Variants in CDC42BPA observed in about 807,000 individuals in gnomAD.
CDC42BPA encodes the protein serine/threonine-protein kinase MRCK alpha.
CDC42BPA carries 80 observed loss-of-function variants against 223.5 expected under a neutral mutation model. The ratio of observed to expected loss-of-function variants is 0.36; its 90% CI spans 0.30 to 0.43. The LOEUF (loss-of-function observed/expected upper bound fraction) is 0.43. CDC42BPA is among the 20% of genes least tolerant of loss of function. The probability of loss-of-function intolerance (pLI) is 1.00; values close to 1 mark genes in which losing one functional copy is unlikely to be tolerated. For missense variants in CDC42BPA, 1,743 were observed against 2,099.9 expected (o/e 0.83, Z 3.32); for synonymous variants, 694 against 718.6 (o/e 0.97, Z 0.55).
chr1:227,238,803 T>G (rs1022640613), intron 2 of CDC42BPA, among the ~76,000 whole-genome samples: 7 of 152,194 alleles, frequency 4.6e-5, no homozygotes, highest in East Asian at 1.9e-4. Flanking sequence ...TTGGAACATG[T>G]ATGCACCAAT....
At chr1:227,213,412 TGTATTTGTGAATGCTGTATTAGTTG>T (rs1174317567) in intron 2 of CDC42BPA, among the ~76,000 whole-genome samples, 193 bp from the exon 3 acceptor site, 56 of 152,336 alleles carry the variant, frequency 3.7e-4, no homozygotes, top group Middle Eastern at 3.4e-3. Context: ...AACTAATAAC[TGTATTTGTGAATGCTGTATTAGTTG>T]GTATTTGTGA....
intron 1 of CDC42BPA, among the ~76,000 whole-genome samples, chr1:227,300,082 T>A (rs1248412720): frequency 1.4e-5 from 2 of 146,552 alleles, no homozygotes; most frequent in African/African-American, 5.2e-5. Context: ...TTCAAGGGAT[T>A]TTCTCTAGGA....
Position 227,306,460 on chromosome 1 carries a change from C to T in CDC42BPA, c.178+10545G>A, listed in dbSNP as rs1193177580. ...GATCACACTTAATCACAGCCTCAAGCAACATAACACAGCAAAGGACTCTTA... is the reference window on the plus strand; with the variant it reads ...GATCACACTTAATCACAGCCTCAAGTAACATAACACAGCAAAGGACTCTTA... On this transcript the variant is annotated intron_variant, in intron 1 of 36. Coordinates refer to ENST00000366766, the MANE Select transcript of CDC42BPA (RefSeq NM_001394014.1). Among the ~76,000 whole-genome samples the T allele has an allele frequency of 2.0e-5, 3 of 152,070 alleles. 1 individual carries two copies. The highest frequency in any genetic ancestry group is 4.1e-4 in the South Asian group (2 of 4,824).
At position 227,318,154 on chromosome 1, in the gene CDC42BPA, G is replaced by GGGGC. The variant is rs1694695717; in HGVS notation, c.-973_-972insGCCC. 1 of 151,080 alleles carries GGGGC rather than the reference G, an allele frequency of 6.6e-6. No individual in the cohort carries two copies. Among genetic ancestry groups the GGGGC allele is most frequent in the African/African-American group, 3.7e-5 (1 of 27,156 alleles). 9.4% of individuals were successfully genotyped at this position (151,080 alleles called of 1,614,324 possible). ...GCCGGAGGCTCCCGACGCCCCAGGC[G>GGGGC]GGGGGGTGCTTCTCTGAATTCAAAG... On this transcript the variant is annotated 5_prime_UTR_variant, in exon 1 of 37. Coordinates refer to ENST00000366766, the MANE Select transcript of CDC42BPA (RefSeq NM_001394014.1).
chr1:227,139,654 T>C lies in CDC42BPA; in HGVS notation c.1312A>G (p.Asn438Asp), dbSNP rs780571645. 1 of 1,612,330 alleles carries C rather than the reference T, an allele frequency of 6.2e-7. No individual in the cohort carries two copies. The highest frequency in any genetic ancestry group is 1.1e-5 in the South Asian group (1 of 90,670). Reference sequence around the variant, plus strand: ...CTTTCATAAGCTTCAGTTGCTAAGTTGTTGTCTAGAGTCCTCTGAACATTA... The same window carrying C: ...CTTTCATAAGCTTCAGTTGCTAAGTCGTTGTCTAGAGTCCTCTGAACATTA... Reference protein sequence around the residue: ...DVNVQRTLDNNLATEAYERRI... With the variant: ...DVNVQRTLDNDLATEAYERRI... The change falls in exon 10 of 37, where the codon AAC (asparagine) becomes GAC (aspartate). Residue 438 changes from asparagine to aspartate, a missense_variant. This residue lies in a region of CDC42BPA where 464 missense variants were observed against 488.0 expected (regional missense o/e 0.95). Coordinates refer to ENST00000366766, the MANE Select transcript of CDC42BPA (RefSeq NM_001394014.1).
chr1:227,299,136 C>T (rs1691213321), intron 1 of CDC42BPA, among the ~76,000 whole-genome samples: 2 of 152,124 alleles, frequency 1.3e-5, no homozygotes, highest in African/African-American at 2.4e-5. Flanking sequence ...CAGTTTGAGC[C>T]ATGTGCAGAG....
chr1:227,175,434 AAT>A (rs148230832), intron 5 of CDC42BPA, among the ~76,000 whole-genome samples: 66 of 150,610 alleles, frequency 4.4e-4, no homozygotes, highest in African/African-American at 6.6e-4. Flanking sequence ...GTCTAATTTA[AAT>A]ATATATATAT....
rs1002196068 is a variant in CDC42BPA at position 227,076,912 on chromosome 1, C to G, written c.2481-2548G>C. Among the ~76,000 whole-genome samples the G allele has an allele frequency of 7.2e-5, 11 of 152,176 alleles. No homozygotes were observed. In the South Asian group the frequency reaches 1.5e-3, roughly 20 times the overall value. On this transcript the variant is annotated intron_variant, in intron 17 of 36. Coordinates refer to ENST00000366766, the MANE Select transcript of CDC42BPA (RefSeq NM_001394014.1). The stretch of plus-strand genomic sequence containing the variant: ...AGTATTAAACCCTCCATTCACTACT[C>G]TATACTTCCCGAAGTCTAATTCCTG...
intron 1 of CDC42BPA, among the ~76,000 whole-genome samples, chr1:227,278,347 C>T (rs756521768): frequency 6.6e-6 from 1 of 152,126 alleles, no homozygotes; most frequent in East Asian, 1.9e-4. Context: ...CTATCAAAAC[C>T]TGGAATTTAT....
intron 5 of CDC42BPA, among the ~76,000 whole-genome samples, chr1:227,172,218 T>G (rs1373536839): frequency 6.6e-6 from 1 of 152,212 alleles, no homozygotes; most frequent in East Asian, 1.9e-4. Flanking sequence ...TATGGAACAT[T>G]AATTTGGGGT....
At chr1:227,149,018 AG>A (rs59028962) in intron 6 of CDC42BPA, among the ~76,000 whole-genome samples, 8,781 of 152,096 alleles carry the variant, frequency 0.058, 838 homozygotes, top group African/African-American at 0.2. Flanking sequence ...TAAGAACAAA[AG>A]AAAAGACCTT....
intron 26 of CDC42BPA, among the ~76,000 whole-genome samples, chr1:227,034,410 G>T (rs1483644827): frequency 6.6e-6 from 1 of 151,982 alleles, no homozygotes; most frequent in African/African-American, 2.4e-5. Context: ...ATTTACACAG[G>T]TCTTTGGGAC....
At chr1:227,015,940 A>T in intron 34 of CDC42BPA, 140 bp downstream of exon 34, 2 of 614,810 alleles carry the variant, frequency 3.3e-6, no homozygotes, top group Non-Finnish European at 5.8e-6. Flanking sequence ...CATGTATCTT[A>T]GACATATTGT....
chr1:227,007,016 T>C (rs1664244197), intron 34 of CDC42BPA, among the ~76,000 whole-genome samples: 1 of 151,992 alleles, frequency 6.6e-6, no homozygotes. Flanking sequence ...TGCTTGGTGG[T>C]GGGGGGATCA....
rs563092561 is a variant in CDC42BPA at position 227,317,220 on chromosome 1, T to G, written c.-38A>C. 1 of 1,579,546 alleles carries G rather than the reference T, an allele frequency of 6.3e-7. No homozygotes were observed. The highest frequency in any genetic ancestry group is 8.6e-7 in the Non-Finnish European group (1 of 1,163,722). On this transcript the variant is annotated 5_prime_UTR_variant, in exon 1 of 37. Coordinates refer to ENST00000366766, the MANE Select transcript of CDC42BPA (RefSeq NM_001394014.1). ...TTCTGCTGGTTTTCCTTTAAATTATTATGATGACTTTTACTATTATCTGAA... is the reference window on the plus strand; with the variant it reads ...TTCTGCTGGTTTTCCTTTAAATTATGATGATGACTTTTACTATTATCTGAA...
rs541820335 is a variant in CDC42BPA at position 227,108,189 on chromosome 1, T to C, written c.2001+4123A>G. On this transcript the variant is annotated intron_variant, in intron 14 of 36. Transcript: ENST00000366766. ...ACCTTAAGATATAAAGTTAGGTTAG[T>C]GATTTTTACTTTCTTCCCTTTTAGT... 2.6e-4 allele frequency among the ~76,000 whole-genome samples: 40 copies of C among 152,322 alleles called. 1 individual carries two copies. The South Asian group carries it at 8.1e-3, about 31-fold the overall frequency.
chr1:227,199,284 C>A (rs562718880), intron 4 of CDC42BPA, among the ~76,000 whole-genome samples: 9 of 152,052 alleles, frequency 5.9e-5, no homozygotes, highest in Admixed American at 2.0e-4. Context: ...TCATGAAAAA[C>A]TCCTGAAGAC....
intron 14 of CDC42BPA, among the ~76,000 whole-genome samples, chr1:227,109,460 G>C (rs1686528147): frequency 6.6e-6 from 1 of 152,052 alleles, no homozygotes; most frequent in South Asian, 2.1e-4. Flanking sequence ...CTGCCTCCCA[G>C]GTCCAGGCGA....
chr1:227,192,950 C>T (rs1669961151), intron 5 of CDC42BPA, among the ~76,000 whole-genome samples: 1 of 151,580 alleles, frequency 6.6e-6, no homozygotes, highest in African/African-American at 2.4e-5. Context: ...TAAGACTCAA[C>T]TATAAGGAAA....
Sources: allele counts gnomAD v4.1 joint callset (sites outside exome capture counted in the v4.1 genomes callset), GRCh38; gene constraint gnomAD v4.1.1; regional missense constraint gnomAD v4.1.1; transcripts MANE v1.5; gene names NCBI Gene and HGNC (gene_info 2026-07-23, HGNC 2026-07-21).